The following LOXL1 variants were observed in gnomAD, a reference collection of about 807,000 sequenced individuals.
LOXL1 encodes the protein lysyl oxidase like 1, also known as lysyl oxidase homolog 1.
A neutral mutation model predicts 62.2 loss-of-function variants in LOXL1; 31 were observed. The observed-to-expected ratio is 0.50, with a 90% CI of 0.37 to 0.67. The LOEUF (loss-of-function observed/expected upper bound fraction) is 0.67. Ranked by LOEUF, LOXL1 falls within the 30% of genes least tolerant of loss-of-function variation. The pLI, the probability that LOXL1 is intolerant of heterozygous loss-of-function variation, is 0.00. For synonymous variants in LOXL1, 403 were observed against 384.4 expected (o/e 1.05, Z -0.56); for missense variants, 775 against 843.4 (o/e 0.92, Z 1.00).
At chr15:73,936,955 A>C (rs774082585) in intron 1 of LOXL1, among the ~76,000 whole-genome samples, 53 of 152,230 alleles carry the variant, frequency 3.5e-4, no homozygotes, top group Non-Finnish European at 5.7e-4. Flanking sequence ...TTATCGATCT[A>C]TCCAACCTGT....
At chr15:73,935,286 C>T (rs1470027900) in intron 1 of LOXL1, among the ~76,000 whole-genome samples, 1 of 152,064 alleles carries the variant, frequency 6.6e-6, no homozygotes, top group Non-Finnish European at 1.5e-5. Flanking sequence ...AGGAAGCCAG[C>T]TTTAGGGTAT....
At position 73,927,457 on chromosome 15, in the gene LOXL1, T is replaced by G; in HGVS notation, c.674T>G (p.Ile225Ser). 1 of 1,453,160 alleles carries G rather than the reference T, an allele frequency of 6.9e-7. No homozygotes were observed. The highest frequency in any genetic ancestry group is 9.0e-7 in the Non-Finnish European group (1 of 1,105,704). The allele number at this position is 1,453,160 out of a possible 1,614,324, so 90.0% of individuals were successfully genotyped here. A position where few individuals can be genotyped will look rare whatever the true frequency, so the allele number is the denominator to read the frequency against. The change falls in exon 1 of 7, where the codon ATC (isoleucine) becomes AGC (serine). Residue 225 changes from isoleucine (I) to serine (S), a missense_variant. Ile to Ser is a moderately radical substitution (Grantham distance 142). Transcript: ENST00000261921. ...GCGGCCGTGGCCTCGGCGGGGGTCATCTACCCCTACCAGCCCCGGGCGCGC... is the reference window on the plus strand; with the variant it reads ...GCGGCCGTGGCCTCGGCGGGGGTCAGCTACCCCTACCAGCCCCGGGCGCGC... Reference protein sequence around the residue: ...GAAAVASAGVIYPYQPRARYE... With the variant: ...GAAAVASAGVSYPYQPRARYE...
intron 1 of LOXL1, among the ~76,000 whole-genome samples, chr15:73,929,383 T>C (rs953530519): frequency 6.6e-6 from 1 of 152,250 alleles, no homozygotes; most frequent in Non-Finnish European, 1.5e-5. Context: ...CCTCAGCCTC[T>C]GTCAGCAGAG....
Position 73,927,555 on chromosome 15 carries a change from C to A in LOXL1, c.772C>A (p.Pro258Thr). The A allele has an allele frequency of 6.7e-7, 1 of 1,500,984 alleles. No homozygotes were observed. 93.0% of individuals were successfully genotyped at this position (1,500,984 alleles called of 1,614,324 possible). The change falls in exon 1 of 7, where the codon CCC becomes ACC. Residue 258 changes from proline (P) to threonine (T), a missense_variant. Pro to Thr is a conservative substitution (Grantham distance 38). Coordinates refer to ENST00000261921, the MANE Select transcript of LOXL1 (RefSeq NM_005576.4). ...GGGCTTCTACCCGGCCCCCGAGAGG[C>A]CCTACGTGCCGCCGCCGCCGCCGCC... ...PQGFYPAPER[P>T]YVPPPPPPPD...
At position 73,927,087 on chromosome 15, in the gene LOXL1, C is replaced by G; in HGVS notation, c.304C>G (p.Leu102Val). ...PRRRQAPSLP[L>V]PGRVGSDTVR... is the part of the protein sequence containing the mutation. ...GCGTCGGCAGGCGCCGTCCCTGCCC[C>G]TGCCGGGGCGCGTGGGCTCGGACAC... The change falls in exon 1 of 7, where the codon CTG becomes GTG. Residue 102 changes from leucine to valine, a missense_variant. By Grantham distance (32) the Leu-to-Val change is conservative (BLOSUM62 1). Coordinates refer to ENST00000261921, the MANE Select transcript of LOXL1 (RefSeq NM_005576.4). 7.7e-7 allele frequency: 1 copy of G among 1,304,358 alleles called. No individual in the cohort carries two copies. Among genetic ancestry groups the G allele is most frequent in the East Asian group, 3.1e-5 (1 of 31,892 alleles). The allele number at this position is 1,304,358 out of a possible 1,614,324, so 80.8% of individuals were successfully genotyped here.
rs1438827430 is a variant in LOXL1 at position 73,945,778 on chromosome 15, A to G, written c.1212-639A>G. ...GCCCAGACTGGAGTGCAGCAGCACA[A>G]TTATAGCTCATTGCAGCCTCAAATT... On this transcript the variant is annotated intron_variant, in intron 2 of 6. Transcript: ENST00000261921. The surrounding 1 kb of genome is among the most constrained non-coding windows in gnomAD (Gnocchi z 4.3). Among the ~76,000 whole-genome samples the G allele has an allele frequency of 1.3e-5, 2 of 152,078 alleles. No homozygotes were observed. Among genetic ancestry groups the G allele is most frequent in the Non-Finnish European group, 2.9e-5 (2 of 68,026 alleles).
At chr15:73,937,221 C>T (rs985039352) in intron 1 of LOXL1, among the ~76,000 whole-genome samples, 1 of 152,218 alleles carries the variant, frequency 6.6e-6, no homozygotes, top group Non-Finnish European at 1.5e-5. Flanking sequence ...CCCGAGCACA[C>T]AGGCCCCAAG....
rs1273753207 is a variant in LOXL1, at chr15:73,927,772, C to A, written c.989C>A (p.Pro330His). The A allele has an allele frequency of 5.6e-6, 8 of 1,435,262 alleles. No homozygotes were observed. The highest frequency in any genetic ancestry group is 7.3e-6 in the Non-Finnish European group (8 of 1,100,696). 88.9% of individuals were successfully genotyped at this position (1,435,262 alleles called of 1,614,324 possible). A position where few individuals can be genotyped will look rare whatever the true frequency, so the allele number is the denominator to read the frequency against. Residue 330 changes from proline to histidine, a missense_variant, in exon 1 of 7, where the codon CCC becomes CAC. Pro to His is a moderately conservative substitution (Grantham distance 77). Coordinates refer to ENST00000261921, the MANE Select transcript of LOXL1 (RefSeq NM_005576.4). ...AYGPPRALEP[P>H]YLPVRSSDTP... is the part of the protein sequence containing the mutation. ...GGGCCGCCGCGCGCGCTGGAGCCGC[C>A]CTACCTGCCGGTGCGCAGCTCCGAC...
chr15:73,926,741 C>CT lies in LOXL1; in HGVS notation c.-42dup. 7.4e-7 allele frequency: 1 copy of CT among 1,354,292 alleles called. No homozygotes were observed. The allele number at this position is 1,354,292 out of a possible 1,614,324, so 83.9% of individuals were successfully genotyped here. A position where few individuals can be genotyped will look rare whatever the true frequency, so the allele number is the denominator to read the frequency against. ...GAGAAGCACGCCCAGGGGGCCACTC[C>CT]TGAGAGCCTCTCTGTCCACCAGGCC... On this transcript the variant is annotated 5_prime_UTR_variant, in exon 1 of 7. Transcript: ENST00000261921.
intron 1 of LOXL1, among the ~76,000 whole-genome samples, chr15:73,933,876 T>C (rs1346534500): frequency 6.6e-6 from 1 of 152,262 alleles, no homozygotes. Flanking sequence ...CCCCTGGCCC[T>C]GACCTAGCCG....
intron 1 of LOXL1, among the ~76,000 whole-genome samples, chr15:73,939,098 C>T (rs12440667): frequency 0.37 from 56,602 of 151,990 alleles, 12,024 homozygotes; most frequent in Middle Eastern, 0.57. Flanking sequence ...CTACACTGAT[C>T]GTGTCCACTA....
At chr15:73,927,958 C>T in intron 1 of LOXL1, 73 bp downstream of exon 1, 3 of 1,254,186 alleles carry the variant, frequency 2.4e-6, no homozygotes, top group Non-Finnish European at 3.0e-6. Context: ...GCCCCCCGGG[C>T]CCCTCCTTAG....
At position 73,945,379 on chromosome 15, in the gene LOXL1, G is replaced by T. The variant is rs2068741062; in HGVS notation, c.1212-1038G>T. Among the ~76,000 whole-genome samples, 1 of 152,216 alleles carries T rather than the reference G, an allele frequency of 6.6e-6. No homozygotes were observed. The highest frequency in any genetic ancestry group is 2.4e-5 in the African/African-American group (1 of 41,450). On this transcript the variant is annotated intron_variant, in intron 2 of 6. Coordinates refer to ENST00000261921, the MANE Select transcript of LOXL1 (RefSeq NM_005576.4). This position sits in a 1 kb window ranked among gnomAD's most constrained non-coding sequence, Gnocchi z 4.3. The stretch of plus-strand genomic sequence containing the variant: ...CTCACAGGCAATCCGGATCCTCTAT[G>T]TAGAGCAATCAGGGCAGACTTCCTG...
In LOXL1 at chr15:73,926,849, G is replaced by T; in HGVS notation, c.66G>T (p.Leu22=). The stretch of plus-strand genomic sequence containing the variant: ...TGTGGGGCGCCTGCCTGTGCGTGCT[G>T]GTGCACGGGCAGCAGGCGCAGCCCG... ...ALVWGACLCV[L]VHGQQAQPGQ... The change falls in exon 1 of 7, where the codon CTG becomes CTT. Residue 22 remains leucine, a synonymous_variant. Transcript: ENST00000261921. The T allele has an allele frequency of 6.5e-7, 1 of 1,543,488 alleles. No individual in the cohort carries two copies. The highest frequency in any genetic ancestry group is 2.5e-5 in the East Asian group (1 of 40,632).
chr15:73,944,022 A>G (rs2068732158), intron 2 of LOXL1, among the ~76,000 whole-genome samples: 1 of 152,226 alleles, frequency 6.6e-6, no homozygotes, highest in South Asian at 2.1e-4. Context: ...AACTAAGCAG[A>G]GTGATTAGGA....
intron 5 of LOXL1, among the ~76,000 whole-genome samples, 172 bp downstream of exon 5, chr15:73,948,074 T>C (rs2068760565): frequency 6.6e-6 from 1 of 152,170 alleles, no homozygotes; most frequent in African/African-American, 2.4e-5. Flanking sequence ...AAGATTTAGG[T>C]CTCAGGCTGA....
At position 73,930,373 on chromosome 15, in the gene LOXL1, G is replaced by C. The variant is rs1172475933; in HGVS notation, c.1102+2488G>C. On this transcript the variant is annotated intron_variant, in intron 1 of 6. Coordinates refer to ENST00000261921, the MANE Select transcript of LOXL1 (RefSeq NM_005576.4). The surrounding 1 kb of genome is among the most constrained non-coding windows in gnomAD (Gnocchi z 4.7). The stretch of plus-strand genomic sequence containing the variant: ...GGGGTGGGAGTGTGTTTTTTGCTGG[G>C]GAGGGGATTGCAGGCTAGTTTAGGG... 6.6e-6 allele frequency among the ~76,000 whole-genome samples: 1 copy of C among 152,272 alleles called. No homozygotes were observed. Among genetic ancestry groups the C allele is most frequent in the East Asian group, 1.9e-4 (1 of 5,184 alleles).
In LOXL1 at chr15:73,947,217, T is replaced by C; in HGVS notation, c.1500T>C (p.His500=). The C allele has an allele frequency of 6.3e-7, 1 of 1,599,340 alleles. No individual in the cohort carries two copies. Among genetic ancestry groups the C allele is most frequent in the Admixed American group, 1.7e-5 (1 of 59,506 alleles). ...GNLKRYACTS[H]TQGLSPGCYD... is the part of the protein sequence containing the mutation. ...TCAAGCGCTATGCATGCACCTCTCATACCCAGGTTGGGCTGGAGAGATGGG... is the reference window on the plus strand; with the variant it reads ...TCAAGCGCTATGCATGCACCTCTCACACCCAGGTTGGGCTGGAGAGATGGG... Residue 500 remains histidine, a synonymous_variant, in exon 4 of 7, where the codon CAT becomes CAC. Transcript: ENST00000261921.
At chr15:73,941,479 A>G (rs1482526746) in intron 1 of LOXL1, among the ~76,000 whole-genome samples, 1 of 152,166 alleles carries the variant, frequency 6.6e-6, no homozygotes, top group Non-Finnish European at 1.5e-5. Flanking sequence ...CAGACCTAAA[A>G]GCTGATGAGA....
Sources: gnomAD v4.1 joint callset for allele counts (sites outside exome capture counted in the v4.1 genomes callset) on GRCh38, gnomAD v4.1.1 for gene constraint, Gnocchi (gnomAD v3.1) non-coding constraint, MANE v1.5 for transcripts, NCBI Gene and HGNC (gene_info 2026-07-23, HGNC 2026-07-21) for gene names.